The following ITGBL1 variants were observed in gnomAD, a reference collection of about 807,000 sequenced individuals.
The protein encoded by ITGBL1 is integrin subunit beta like 1, also known as integrin beta-like protein 1.
ITGBL1 carries 51 observed loss-of-function variants against 68.5 expected under a neutral mutation model. The ratio of observed to expected loss-of-function variants is 0.74; its 90% confidence interval spans 0.59 to 0.94. ITGBL1 has a LOEUF of 0.94. Ranked by LOEUF, ITGBL1 falls within the 40% of genes least tolerant of loss-of-function variation. The pLI, the probability that ITGBL1 is intolerant of heterozygous loss-of-function variation, is 0.00. For synonymous variants in ITGBL1, 209 were observed against 227.3 expected (o/e 0.92, Z 0.72); for missense variants, 649 against 647.4 (o/e 1.00, Z -0.03).
intron 7 of ITGBL1, among the ~76,000 whole-genome samples, chr13:101,613,483 A>G (rs1281853044): frequency 6.6e-6 from 1 of 152,162 alleles, no homozygotes; most frequent in Non-Finnish European, 1.5e-5. Context: ...AAGAGAATAT[A>G]AGAGAGTGGC....
At chr13:101,525,460 C>T (rs919579371) in intron 2 of ITGBL1, among the ~76,000 whole-genome samples, 3 of 60,844 alleles carry the variant, frequency 4.9e-5, no homozygotes, top group African/African-American at 7.0e-5. Context: ...GCTACATTTT[C>T]ATCACCTCCT....
intron 2 of ITGBL1, among the ~76,000 whole-genome samples, chr13:101,484,049 G>T (rs2048666313): frequency 6.6e-6 from 1 of 151,474 alleles, no homozygotes. Flanking sequence ...TTTGTAGACG[G>T]CATATTTGGT....
At chr13:101,603,780 T>A (rs1369659556) in intron 7 of ITGBL1, among the ~76,000 whole-genome samples, 2 of 151,856 alleles carry the variant, frequency 1.3e-5, no homozygotes, top group Non-Finnish European at 2.9e-5. Context: ...GTAAAGAAAA[T>A]GACTTCATCT....
Position 101,715,992 on chromosome 13 carries a change from G to A in ITGBL1, c.*338G>A, listed in dbSNP as rs543069377. On this transcript the variant is annotated 3_prime_UTR_variant, in exon 11 of 11. Coordinates refer to ENST00000376180, the MANE Select transcript of ITGBL1 (RefSeq NM_004791.3). ...AAGGTATGCTGCAGACATTTGGTGG[G>A]TAGAGGCCAGGGATGCTGCTGAGCA... The A allele has an allele frequency of 6.6e-4, 176 of 267,038 alleles. 1 individual carries two copies. Among genetic ancestry groups the A allele is most frequent in the Non-Finnish European group, 4.8e-4 (66 of 136,564 alleles). The allele number at this position is 267,038 out of a possible 1,614,324, so 16.5% of individuals were successfully genotyped here.
chr13:101,499,011 C>T (rs1221094881), intron 2 of ITGBL1, among the ~76,000 whole-genome samples: 1 of 152,092 alleles, frequency 6.6e-6, no homozygotes, highest in East Asian at 1.9e-4. Flanking sequence ...TATGGGGGAA[C>T]CTGCCCCCAT....
intron 2 of ITGBL1, among the ~76,000 whole-genome samples, chr13:101,479,582 A>G (rs1228698986): frequency 6.6e-6 from 1 of 151,824 alleles, no homozygotes; most frequent in African/African-American, 2.4e-5. Flanking sequence ...TAATATCAAG[A>G]ATATATAAGA....
intron 2 of ITGBL1, among the ~76,000 whole-genome samples, chr13:101,485,143 A>T (rs2048683009): frequency 6.6e-6 from 1 of 152,210 alleles, no homozygotes; most frequent in African/African-American, 2.4e-5. Flanking sequence ...CAAATGTGAA[A>T]TTAAGACTTT....
intron 2 of ITGBL1, among the ~76,000 whole-genome samples, chr13:101,545,320 T>C (rs946577975): frequency 1.3e-5 from 2 of 152,048 alleles, no homozygotes; most frequent in African/African-American, 4.8e-5. Flanking sequence ...ACAAGAAGAA[T>C]AGATGCACAC....
chr13:101,666,901 T>G (rs1324632150), intron 7 of ITGBL1, among the ~76,000 whole-genome samples: 2 of 152,094 alleles, frequency 1.3e-5, no homozygotes, highest in Non-Finnish European at 2.9e-5. Flanking sequence ...TGAAGGAAAC[T>G]TGGTCACAGG....
chr13:101,568,843 A>G (rs1298502171), intron 3 of ITGBL1, among the ~76,000 whole-genome samples: 1 of 152,114 alleles, frequency 6.6e-6, no homozygotes, highest in Admixed American at 6.6e-5. Flanking sequence ...TTTTGCTGAT[A>G]GGAATCAGAC....
intron 2 of ITGBL1, among the ~76,000 whole-genome samples, chr13:101,471,015 GTTA>G (rs2048449665): frequency 6.6e-6 from 1 of 152,172 alleles, no homozygotes. Flanking sequence ...CAGTCACTTT[GTTA>G]TTAAGTTACA....
intron 7 of ITGBL1, among the ~76,000 whole-genome samples, chr13:101,641,202 G>A (rs951700483): frequency 3.3e-5 from 5 of 152,162 alleles, no homozygotes; most frequent in African/African-American, 1.2e-4. Context: ...ATTAGCAGCA[G>A]AGTGTCAATG....
chr13:101,586,008 G>A (rs2050550181), intron 6 of ITGBL1, among the ~76,000 whole-genome samples: 1 of 152,054 alleles, frequency 6.6e-6, no homozygotes, highest in Non-Finnish European at 1.5e-5. Flanking sequence ...AGGGAGTGGG[G>A]TCATGGGGTA....
intron 7 of ITGBL1, among the ~76,000 whole-genome samples, chr13:101,681,620 G>A (rs1229705388): frequency 1.3e-5 from 2 of 152,168 alleles, no homozygotes; most frequent in African/African-American, 4.8e-5. Flanking sequence ...TTTGAAACCT[G>A]TGTCATGTGG....
At chr13:101,521,102 A>G (rs1594862348) in intron 2 of ITGBL1, among the ~76,000 whole-genome samples, 1 of 152,356 alleles carries the variant, frequency 6.6e-6, no homozygotes, top group South Asian at 2.1e-4. Context: ...GTACATTTAC[A>G]AACTCTGGGT....
At chr13:101,532,365 T>C (rs1276747707) in intron 2 of ITGBL1, among the ~76,000 whole-genome samples, 1 of 152,218 alleles carries the variant, frequency 6.6e-6, no homozygotes, top group Non-Finnish European at 1.5e-5. Context: ...ATCAAATTCC[T>C]AGTTGTTCTG....
At chr13:101,546,052 A>G (rs2049817407) in intron 2 of ITGBL1, among the ~76,000 whole-genome samples, 1 of 152,232 alleles carries the variant, frequency 6.6e-6, no homozygotes, top group Non-Finnish European at 1.5e-5. Context: ...TATTATAGAT[A>G]TTACAAACAT....
At chr13:101,629,171 T>C (rs898633569) in intron 7 of ITGBL1, among the ~76,000 whole-genome samples, 2 of 152,190 alleles carry the variant, frequency 1.3e-5, no homozygotes, top group African/African-American at 4.8e-5. Context: ...TTACATTTTA[T>C]TCTTCTTCAT....
At chr13:101,689,297 G>A (rs2033830932) in intron 7 of ITGBL1, among the ~76,000 whole-genome samples, 1 of 150,884 alleles carries the variant, frequency 6.6e-6, no homozygotes, top group South Asian at 2.1e-4. Flanking sequence ...TGAGTAGGAG[G>A]ATGCCAATGT....
Sources: gnomAD v4.1 joint callset for allele counts (sites outside exome capture counted in the v4.1 genomes callset) on GRCh38, gnomAD v4.1.1 for gene constraint, MANE v1.5 for transcripts, NCBI Gene and HGNC (gene_info 2026-07-23, HGNC 2026-07-21) for gene names.